Variants in MRC1 observed in about 807,000 individuals in gnomAD.
MRC1 encodes the protein mannose receptor C-type 1.
MRC1 carries 62 observed loss-of-function variants against 102.9 expected under a neutral mutation model. The ratio of observed to expected loss-of-function variants is 0.60; its 90% CI spans 0.49 to 0.74. MRC1 has a LOEUF of 0.74. Ranked by LOEUF, MRC1 falls within the 30% of genes least tolerant of loss-of-function variation. The pLI is 0.00. For synonymous variants in MRC1, 457 were observed against 298.4 expected (o/e 1.53, Z -5.48); for missense variants, 1,237 against 862.8 (o/e 1.43, Z -5.43).
At chr10:17,823,779 T>C (rs894591135) in intron 2 of MRC1, among the ~76,000 whole-genome samples, 38 of 152,366 alleles carry the variant, frequency 2.5e-4, no homozygotes, top group African/African-American at 8.9e-4. Context: ...GTTTTCATTG[T>C]AGTCTTTGAC....
At position 17,910,376 on chromosome 10, in the gene MRC1, C is replaced by G; in HGVS notation, c.4282C>G (p.Leu1428Val). The G allele has an allele frequency of 3.8e-6, 3 of 780,718 alleles. No individual in the cohort carries two copies. The highest frequency in any genetic ancestry group is 7.2e-6 in the Non-Finnish European group (3 of 417,942). The allele number at this position is 780,718 out of a possible 1,614,324, so 48.4% of individuals were successfully genotyped here. A position where few individuals can be genotyped will look rare whatever the true frequency, so the allele number is the denominator to read the frequency against. Residue 1428 changes from leucine to valine, a missense_variant, in exon 30 of 30, where the codon CTG (leucine) becomes GTG (valine). Leu to Val is a conservative substitution (Grantham distance 32, BLOSUM62 1). Transcript: ENST00000569591. ...TCAAGAGGGCGCCTTTGAAAACACT[C>G]TGTATTTTAACAGTCAGTCAAGCCC... is the stretch of plus-strand genomic sequence containing the variant. ...LPQEGAFENT[L>V]YFNSQSSPGT...
Position 17,900,761 on chromosome 10 carries a change from T to C in MRC1, c.3484-27T>C, listed in dbSNP as rs1046561734. ...ATTTTCTAAATGAAGCAAGGCTGCA[T>C]GTTAATGCTTGTTTTTGTCGTTGCA... On this transcript the variant is annotated intron_variant, in intron 24 of 29. Transcript: ENST00000569591. The C allele has an allele frequency of 2.0e-4, 159 of 780,782 alleles. No individual in the cohort carries two copies. In the Admixed American group the frequency reaches 2.6e-3, roughly 13 times the overall value. 48.4% of individuals were successfully genotyped at this position (780,782 alleles called of 1,614,324 possible).
chr10:17,849,149 C>T (rs995915736), intron 6 of MRC1, among the ~76,000 whole-genome samples: 1 of 148,446 alleles, frequency 6.7e-6, no homozygotes, highest in Non-Finnish European at 1.5e-5. Context: ...AAAGAGATTT[C>T]CCATAGCCAA....
intron 8 of MRC1, 125 bp downstream of exon 8, chr10:17,853,249 G>A (rs1322351992): frequency 4.2e-6 from 3 of 708,240 alleles, no homozygotes; most frequent in Non-Finnish European, 7.8e-6. Flanking sequence ...TGGATCAAAG[G>A]TGAACCAAAA....
chr10:17,877,881 G>A lies in MRC1; in HGVS notation c.2551-19G>A, dbSNP rs989893668. The A allele has an allele frequency of 1.8e-5, 16 of 871,522 alleles. No homozygotes were observed. Among genetic ancestry groups the A allele is most frequent in the Middle Eastern group, 2.2e-4 (1 of 4,578 alleles). 54.0% of individuals were successfully genotyped at this position (871,522 alleles called of 1,614,324 possible). ...TGTGTGATTCTAAATTAAACTATAC[G>A]TAAACTTCCATGTTTCAGGTAAACA... On this transcript the variant is annotated intron_variant, in intron 17 of 29. Transcript: ENST00000569591.
In MRC1 at chr10:17,830,867, A is replaced by G. The variant is rs921913289; in HGVS notation, c.638-2808A>G. ...AAAAACAACAACAAAACCCTTTTTT[A>G]TGTCTCACATTTTCTACTATATATA... On this transcript the variant is annotated intron_variant, in intron 3 of 29. Coordinates refer to ENST00000569591, the MANE Select transcript of MRC1 (RefSeq NM_002438.4). Among the ~76,000 whole-genome samples the G allele has an allele frequency of 3.4e-5, 5 of 145,750 alleles. 1 individual carries two copies. Among genetic ancestry groups the G allele is most frequent in the African/African-American group, 1.4e-4 (5 of 36,710 alleles).
intron 9 of MRC1, 152 bp downstream of exon 9, chr10:17,856,504 A>C (rs1833095218): frequency 6.2e-6 from 4 of 649,722 alleles, no homozygotes; most frequent in East Asian, 2.7e-5. Context: ...TGTTGATCTC[A>C]CTGTTCTCCT....
chr10:17,868,777 A>T (rs1427225715), intron 12 of MRC1, among the ~76,000 whole-genome samples: 1 of 152,192 alleles, frequency 6.6e-6, no homozygotes, highest in African/African-American at 2.4e-5. Flanking sequence ...ACTCCCACTA[A>T]TAGAAATAGG....
intron 21 of MRC1, among the ~76,000 whole-genome samples, chr10:17,881,850 T>G (rs1209434428): frequency 2.2e-5 from 3 of 138,684 alleles, no homozygotes; most frequent in African/African-American, 8.1e-5. Context: ...TTTTTTTTTT[T>G]TTTTTTTTTT....
At chr10:17,837,600 TTTTTA>T (rs1345003988) in intron 4 of MRC1, among the ~76,000 whole-genome samples, 59 of 151,896 alleles carry the variant, frequency 3.9e-4, no homozygotes, top group East Asian at 1.5e-3. Context: ...AGTCTGTATC[TTTTTA>T]TTTTATTTTA....
At chr10:17,874,972 G>A in intron 16 of MRC1, 118 bp from the exon 17 acceptor site, 2 of 751,322 alleles carry the variant, frequency 2.7e-6, no homozygotes, top group South Asian at 1.5e-5. Flanking sequence ...TGGTCTCTCA[G>A]AGTTGCAGAT....
At chr10:17,843,633 T>C (rs527925) in intron 5 of MRC1, among the ~76,000 whole-genome samples, 126,022 of 152,002 alleles carry the variant, frequency 0.83, 52,463 homozygotes, top group East Asian at 1. Flanking sequence ...CACTGGACTC[T>C]AGCCTGAGTG....
At chr10:17,896,561 A>G (rs1833758291) in intron 23 of MRC1, among the ~76,000 whole-genome samples, 1 of 152,204 alleles carries the variant, frequency 6.6e-6, no homozygotes, top group Non-Finnish European at 1.5e-5. Flanking sequence ...AATAAAAATC[A>G]TTTGCAAATT....
chr10:17,812,969 A>C (rs1554837554), intron 1 of MRC1, among the ~76,000 whole-genome samples: 1 of 152,178 alleles, frequency 6.6e-6, no homozygotes, highest in African/African-American at 2.4e-5. Context: ...AGGTAGTATC[A>C]TGAAAAGCCT....
intron 1 of MRC1, among the ~76,000 whole-genome samples, chr10:17,816,959 A>G (rs1020603379): frequency 4.6e-5 from 7 of 152,260 alleles, no homozygotes; most frequent in Admixed American, 3.3e-4. Context: ...TGCTTAAAAA[A>G]AATCCAGGCC....
chr10:17,908,297 A>C (rs1833923148), intron 28 of MRC1, among the ~76,000 whole-genome samples: 1 of 152,168 alleles, frequency 6.6e-6, no homozygotes, highest in Admixed American at 6.5e-5. Flanking sequence ...TTTGTTTGAG[A>C]CAGAATCTTG....
chr10:17,863,434 A>G (rs894479377), intron 10 of MRC1, 100 bp from the exon 11 acceptor site: 9 of 761,160 alleles, frequency 1.2e-5, no homozygotes, highest in Non-Finnish European at 2.0e-5. Context: ...GTTCAGTTAT[A>G]GCTCAAACAT....
intron 1 of MRC1, among the ~76,000 whole-genome samples, chr10:17,810,268 C>CG (rs1255857896): frequency 3.9e-5 from 6 of 152,070 alleles, no homozygotes; most frequent in African/African-American, 1.4e-4. Context: ...GGGAGTGCCT[C>CG]GGGGGATTTT....
At chr10:17,863,723 G>A (rs982584801) in intron 11 of MRC1, 41 bp downstream of exon 11, 22 of 774,696 alleles carry the variant, frequency 2.8e-5, no homozygotes, top group Non-Finnish European at 4.6e-5. Flanking sequence ...TTCACCCTAC[G>A]AATCTGTTAG....
Sources: gnomAD v4.1 joint callset for allele counts (sites outside exome capture counted in the v4.1 genomes callset) on GRCh38, gnomAD v4.1.1 for gene constraint, MANE v1.5 for transcripts, NCBI Gene and HGNC (gene_info 2026-07-23, HGNC 2026-07-21) for gene names.